Variants in FASN observed in about 807,000 individuals in gnomAD.
FASN encodes fatty acid synthase, also known as 3-hydroxyacyl-[acyl-carrier-protein] dehydratase.
FASN carries 50 observed loss-of-function variants against 250.0 expected under a neutral mutation model. The ratio of observed to expected loss-of-function variants is 0.20; its 90% CI spans 0.16 to 0.25. The LOEUF (loss-of-function observed/expected upper bound fraction) is 0.25. Among genes scored for constraint, FASN ranks in the 10% least tolerant of loss-of-function variants. The pLI is 1.00. For synonymous variants in FASN, 1,909 were observed against 1,584.0 expected (o/e 1.21, Z -4.87); for missense variants, 3,031 against 3,498.5 (o/e 0.87, Z 3.37).
chr17:82,085,115 C>T lies in FASN; in HGVS notation c.4329G>A (p.Leu1443=). ...ADEDSSRPVW[L]KAINCATSGV... The stretch of plus-strand genomic sequence containing the variant: ...CCGAGGTGGCACAGTTGATGGCCTT[C>T]AGCCACACAGGCCGGGAAGAGTCTT... Residue 1443 remains leucine, a synonymous_variant, in exon 25 of 43, where the codon CTG becomes CTA. Coordinates refer to ENST00000306749, the MANE Select transcript of FASN (RefSeq NM_004104.5). 6 of 1,612,650 alleles carry T rather than the reference C, an allele frequency of 3.7e-6. No homozygotes were observed. The highest frequency in any genetic ancestry group is 5.1e-6 in the Non-Finnish European group (6 of 1,179,942).
In FASN at chr17:82,091,021, T is replaced by C. The variant is rs2034196219; in HGVS notation, c.1541A>G (p.Asp514Gly). The C allele has an allele frequency of 6.2e-7, 1 of 1,612,694 alleles. No individual in the cohort carries two copies. The highest frequency in any genetic ancestry group is 8.5e-7 in the Non-Finnish European group (1 of 1,179,962). The change falls in exon 10 of 43, where the codon GAC becomes GGC. Residue 514 changes from aspartate to glycine, a missense_variant. Physicochemically the swap from Asp to Gly is moderately conservative, Grantham distance 94. Coordinates refer to ENST00000306749, the MANE Select transcript of FASN (RefSeq NM_004104.5). ...RGMGLSLMRLDRFRDSILRSD... is the reference protein window; with the variant it reads ...RGMGLSLMRLGRFRDSILRSD... The stretch of plus-strand genomic sequence containing the variant: ...GCGTAGGATGGAATCTCGGAAGCGG[T>C]CCAGGCGCATGAGGCTCAGCCCCAT...
chr17:82,090,765 T>A, intron 10 of FASN, 117 bp downstream of exon 10: 2 of 1,243,154 alleles, frequency 1.6e-6, no homozygotes, highest in South Asian at 1.3e-5. Context: ...AGCACAAGGC[T>A]CTGCCTAGCA....
rs1374683349 is a variant in FASN, at chr17:82,085,554, C to A, written c.4050G>T (p.Gly1350=). The change falls in exon 23 of 43, where the codon GGG becomes GGT. Residue 1350 remains glycine (G), a synonymous_variant. Transcript: ENST00000306749. The part of the protein sequence containing the change: ...GFLLLHTLLR[G]HPLGDIVAFL... The stretch of plus-strand genomic sequence containing the variant: ...AGGCCACGATGTCCCCGAGGGGGTG[C>A]CCCCGGAGCAGTGTGTGCAGGAGCA... 3.1e-6 allele frequency: 5 copies of A among 1,594,822 alleles called. No homozygotes were observed. Among genetic ancestry groups the A allele is most frequent in the South Asian group, 1.1e-5 (1 of 88,334 alleles).
Position 82,086,308 on chromosome 17 carries a change from G to C in FASN, c.3678C>G (p.Ala1226=). The change falls in exon 22 of 43, where the codon GCC becomes GCG. Residue 1226 remains alanine (A), a synonymous_variant. Transcript: ENST00000306749. Reference sequence around the variant, plus strand: ...TGTTCTCCACGGCAGTGTCCAGGCAGGCCTTGAGTGCCGGGGAGTCCAGGA... The same window carrying C: ...TGTTCTCCACGGCAGTGTCCAGGCACGCCTTGAGTGCCGGGGAGTCCAGGA... ...SGLLDSPALK[A]CLDTAVENMP... 6.2e-7 allele frequency: 1 copy of C among 1,600,016 alleles called. No homozygotes were observed. Among genetic ancestry groups the C allele is most frequent in the Non-Finnish European group, 8.5e-7 (1 of 1,177,480 alleles).
rs372826234 is a variant in FASN at position 82,079,618 on chromosome 17, C to G, written c.7147-10G>C. 3 of 1,598,404 alleles carry G rather than the reference C, an allele frequency of 1.9e-6. No individual in the cohort carries two copies. The highest frequency in any genetic ancestry group is 2.7e-5 in the African/African-American group (2 of 74,920). ...GCAGCGCCTCCAGCACCTGTGGGGT[C>G]GGGCTCTGAGCAGGTGCTGGCAGCA... On this transcript the variant is annotated splice_polypyrimidine_tract_variant and intron_variant, in intron 41 of 42. Coordinates refer to ENST00000306749, the MANE Select transcript of FASN (RefSeq NM_004104.5).
intron 40 of FASN, 35 bp downstream of exon 40, chr17:82,080,335 T>C (rs187716690): frequency 2.5e-6 from 4 of 1,608,548 alleles, no homozygotes; most frequent in East Asian, 2.2e-5. Context: ...GCCCAGACGT[T>C]TGCCGTAGGC....
chr17:82,094,940 G>A lies in FASN; in HGVS notation c.280+380C>T, dbSNP rs868552297. The stretch of plus-strand genomic sequence containing the variant: ...GGCAAGGGTAGTGGGGAGGGTGGGA[G>A]GGGAGAGACAGCAGGGCCGGTGCTG... On this transcript the variant is annotated intron_variant, in intron 3 of 42. Transcript: ENST00000306749. 1.3e-3 allele frequency among the ~76,000 whole-genome samples: 197 copies of A among 149,714 alleles called. 2 individuals are homozygous for A. Among genetic ancestry groups the A allele is most frequent in the South Asian group, 5.1e-3 (24 of 4,664 alleles).
Position 82,082,608 on chromosome 17 carries a change from G to A in FASN, c.5838C>T (p.Ile1946=). The A allele has an allele frequency of 6.2e-7, 1 of 1,610,804 alleles. No individual in the cohort carries two copies. The highest frequency in any genetic ancestry group is 1.1e-5 in the South Asian group (1 of 91,084). The change falls in exon 34 of 43, where the codon ATC becomes ATT. Residue 1946 remains isoleucine, a synonymous_variant. Coordinates refer to ENST00000306749, the MANE Select transcript of FASN (RefSeq NM_004104.5). ...GGCCCCGGGCCCCCTCCAGTGAGCT[G>A]ATGTTGCTGGTGGACACCTGCACCT... ...GVQVQVSTSN[I]SSLEGARGLI...
chr17:82,094,744 G>A (rs559874789), intron 3 of FASN, among the ~76,000 whole-genome samples: 11 of 151,800 alleles, frequency 7.2e-5, no homozygotes, highest in East Asian at 3.9e-4. Context: ...AGCTGAGATC[G>A]CGCCACTGCA....
chr17:82,083,385 G>C lies in FASN; in HGVS notation c.5382C>G (p.Val1794=). 3 of 1,612,782 alleles carry C rather than the reference G, an allele frequency of 1.9e-6. No individual in the cohort carries two copies. The highest frequency in any genetic ancestry group is 2.5e-6 in the Non-Finnish European group (3 of 1,180,010). The change falls in exon 32 of 43, where the codon GTC becomes GTG. Residue 1794 remains valine, a synonymous_variant. Transcript: ENST00000306749. ...TCTCGTTGAAGAACGCATCCAGTAG[G>C]ACCCCGTGGAATGTCACGTTCTTCA... ...IFLKNVTFHG[V]LLDAFFNESS...
chr17:82,087,902 C>G, intron 18 of FASN, 41 bp from the exon 19 acceptor site: 1 of 1,612,258 alleles, frequency 6.2e-7, no homozygotes, highest in Non-Finnish European at 8.5e-7. Flanking sequence ...GGACGGGCGG[C>G]ATGGCCAGCG....
rs1333702079 is a variant in FASN at position 82,087,260 on chromosome 17, G to A, written c.3224-7C>T. On this transcript the variant is annotated splice_polypyrimidine_tract_variant and splice_region_variant and intron_variant, in intron 20 of 42. Transcript: ENST00000306749. ...CTCACCACCACGTCAGCCACTGTGG[G>A]GACAGGCTGGGTGAGTGCGGCATAC... The A allele has an allele frequency of 6.2e-7, 1 of 1,605,744 alleles. No homozygotes were observed. The highest frequency in any genetic ancestry group is 8.5e-7 in the Non-Finnish European group (1 of 1,177,384).
At chr17:82,081,948 G>A (rs1354015525) in intron 36 of FASN, 61 bp downstream of exon 36, 1 of 1,323,908 alleles carries the variant, frequency 7.6e-7, no homozygotes, top group African/African-American at 1.6e-5. Flanking sequence ...AGGTGGGGGT[G>A]GGGAGTGGCC....
In FASN at chr17:82,093,203, G is replaced by GCAGCCGCA; in HGVS notation, c.655+8_655+15dup. 6.4e-7 allele frequency: 1 copy of GCAGCCGCA among 1,564,088 alleles called. No individual in the cohort carries two copies. Among genetic ancestry groups the GCAGCCGCA allele is most frequent in the South Asian group, 1.2e-5 (1 of 85,322 alleles). On this transcript the variant is annotated intron_variant, in intron 5 of 42. Coordinates refer to ENST00000306749, the MANE Select transcript of FASN (RefSeq NM_004104.5). ...CCACTGTCCCGCCTGCCCTGGCCGC[G>GCAGCCGCA]CAGCCGCACACTCACCCGCTGTGTC...
At chr17:82,094,782 C>T (rs537827722) in intron 3 of FASN, among the ~76,000 whole-genome samples, 103 of 150,990 alleles carry the variant, frequency 6.8e-4, no homozygotes, top group African/African-American at 1.8e-3. Context: ...AGTGAGACTC[C>T]GTCTTAAAAA....
chr17:82,098,146 G>A lies in FASN; in HGVS notation c.-33C>T. ...CTGGTGAGGGCGCGGGCGGCGGTGC[G>A]GGCGGCGGAGAGCGAGGCTGGAGCG... is the stretch of plus-strand genomic sequence containing the variant. On this transcript the variant is annotated 5_prime_UTR_variant, in exon 1 of 43. Coordinates refer to ENST00000306749, the MANE Select transcript of FASN (RefSeq NM_004104.5). The A allele has an allele frequency of 2.8e-6, 1 of 353,316 alleles. No homozygotes were observed. Among genetic ancestry groups the A allele is most frequent in the Non-Finnish European group, 5.1e-6 (1 of 196,746 alleles). 21.9% of individuals were successfully genotyped at this position (353,316 alleles called of 1,614,324 possible).
At chr17:82,094,325 G>A (rs1271439173) in intron 3 of FASN, 6 of 195,932 alleles carry the variant, frequency 3.1e-5, no homozygotes, top group South Asian at 1.8e-4. Flanking sequence ...CAGGAAGGGC[G>A]CAGGAGAAGG....
At position 82,084,870 on chromosome 17, in the gene FASN, T is replaced by G. The variant is rs755163700; in HGVS notation, c.4493A>C (p.Gln1498Pro). The stretch of plus-strand genomic sequence containing the variant: ...GTAGACGTTCATCACCAGGTCTCCC[T>G]GCAACACCTTCTGCAGTTCTGCGGA... ...PGSAELQKVL[Q>P]GDLVMNVYRD... The change falls in exon 26 of 43, where the codon CAG (glutamine) becomes CCG (proline). Residue 1498 changes from glutamine to proline, a missense_variant. Gln to Pro is a moderately conservative substitution (Grantham distance 76, BLOSUM62 -1). Transcript: ENST00000306749. 6.4e-6 allele frequency: 10 copies of G among 1,550,608 alleles called. No homozygotes were observed. The South Asian group carries it at 1.2e-4, about 18-fold the overall frequency.
In FASN at chr17:82,088,267, G is replaced by A. The variant is rs1568112434; in HGVS notation, c.2634C>T (p.His878=). ...GGAAGAGGACGCGACCGTCGAGGGT[G>A]TGGTCCACCAGGTAGTGGTCAGGAG... ...SESPDHYLVD[H]TLDGRVLFPA... Residue 878 remains histidine (H), a synonymous_variant, in exon 17 of 43, where the codon CAC becomes CAT. Coordinates refer to ENST00000306749, the MANE Select transcript of FASN (RefSeq NM_004104.5). 6.2e-7 allele frequency: 1 copy of A among 1,606,394 alleles called. No homozygotes were observed.
Sources: allele counts gnomAD v4.1 joint callset (sites outside exome capture counted in the v4.1 genomes callset), GRCh38; gene constraint gnomAD v4.1.1; transcripts MANE v1.5; gene names NCBI Gene and HGNC (gene_info 2026-07-23, HGNC 2026-07-21).